GASK1A: variants seen among roughly 807,000 people sequenced by gnomAD.
GASK1A encodes the protein golgi associated kinase 1A.
In GASK1A, 40 loss-of-function variants were observed where a neutral mutation model predicts 41.2. The observed-to-expected ratio is 0.97, with a 90% CI of 0.75 to 1.27. The LOEUF (loss-of-function observed/expected upper bound fraction) is 1.27. Ranked by LOEUF, GASK1A falls within the 50% of genes most tolerant of loss-of-function variation. The pLI is 0.00. For synonymous variants in GASK1A, 316 were observed against 307.1 expected, an observed-to-expected ratio of 1.03 and a Z score of -0.30; for missense variants, 678 against 745.1, an observed-to-expected ratio of 0.91 and a Z score of 1.05.
chr3:43,032,777 A>G lies in GASK1A; in HGVS notation c.514A>G (p.Ser172Gly). ...ETQSEVVTLV[S>G]PLPGSDMAAL... ...ACAGAGTGAGGTGGTCACCCTGGTC[A>G]GTCCACTCCCAGGGAGTGACATGGC... The change falls in exon 2 of 5, where the codon AGT becomes GGT. Residue 172 changes from serine to glycine, a missense_variant. Physicochemically the swap from Ser to Gly is moderately conservative, Grantham distance 56. Transcript: ENST00000430121. 6.4e-7 allele frequency: 1 copy of G among 1,551,086 alleles called. No individual in the cohort carries two copies. The highest frequency in any genetic ancestry group is 8.7e-7 in the Non-Finnish European group (1 of 1,146,986).
At chr3:43,026,554 C>G (rs1305061431) in intron 1 of GASK1A, among the ~76,000 whole-genome samples, 1 of 151,852 alleles carries the variant, frequency 6.6e-6, no homozygotes, top group Non-Finnish European at 1.5e-5. Flanking sequence ...TACCACAAAG[C>G]AGAAATGCAA....
chr3:43,054,876 G>A (rs1338187530), intron 3 of GASK1A, among the ~76,000 whole-genome samples: 2 of 152,232 alleles, frequency 1.3e-5, no homozygotes, highest in Non-Finnish European at 2.9e-5. Flanking sequence ...TGCTCAGGGG[G>A]ATGCCCAGGT....
intron 1 of GASK1A, among the ~76,000 whole-genome samples, chr3:42,981,527 A>G (rs1186568443): frequency 2.6e-5 from 4 of 152,326 alleles, no homozygotes; most frequent in Non-Finnish European, 5.9e-5. Flanking sequence ...TGTGCTTAGC[A>G]TGAACAACTA....
intron 1 of GASK1A, among the ~76,000 whole-genome samples, chr3:43,015,949 G>A (rs1360647498): frequency 7.0e-6 from 1 of 143,166 alleles, no homozygotes; most frequent in East Asian, 1.9e-4. Context: ...GCCACAGGAA[G>A]GGTCTGTGTG....
At chr3:43,039,903 T>A (rs968933562) in intron 2 of GASK1A, among the ~76,000 whole-genome samples, 19 of 152,224 alleles carry the variant, frequency 1.2e-4, no homozygotes, top group Admixed American at 7.9e-4. Context: ...TTTTAAGAGC[T>A]TTTTACAGAT....
chr3:42,982,419 T>C (rs1440526062), intron 1 of GASK1A, among the ~76,000 whole-genome samples: 1 of 152,252 alleles, frequency 6.6e-6, no homozygotes, highest in African/African-American at 2.4e-5. Context: ...GCATATTTCC[T>C]ATTCTCTTTG....
chr3:43,018,409 GC>G (rs1054855797), intron 1 of GASK1A, among the ~76,000 whole-genome samples: 18 of 152,240 alleles, frequency 1.2e-4, no homozygotes, highest in South Asian at 1.0e-3. Context: ...CAATTTCCTG[GC>G]TGATAGTCTG....
chr3:43,002,838 G>T (rs1208137437), intron 1 of GASK1A, among the ~76,000 whole-genome samples: 2 of 151,940 alleles, frequency 1.3e-5, no homozygotes, highest in Non-Finnish European at 2.9e-5. Flanking sequence ...CTATTGGTTG[G>T]CTCTGAGTGA....
intron 1 of GASK1A, among the ~76,000 whole-genome samples, chr3:43,005,505 G>T (rs1456925008): frequency 1.3e-5 from 2 of 152,156 alleles, no homozygotes; most frequent in Non-Finnish European, 2.9e-5. Context: ...CTGCCCATTA[G>T]TAACTTAGTA....
intron 1 of GASK1A, among the ~76,000 whole-genome samples, chr3:43,021,304 G>A (rs2089521340): frequency 6.6e-6 from 1 of 152,012 alleles, no homozygotes. Context: ...ATTTTAAAAG[G>A]CCAATAAATT....
At chr3:43,028,126 G>T (rs2089554435) in intron 1 of GASK1A, among the ~76,000 whole-genome samples, 1 of 152,238 alleles carries the variant, frequency 6.6e-6, no homozygotes, top group African/African-American at 2.4e-5. Flanking sequence ...ATAAGGGCTT[G>T]TGGAGACCAA....
At chr3:43,015,837 G>A (rs1306719401) in intron 1 of GASK1A, among the ~76,000 whole-genome samples, 1 of 151,930 alleles carries the variant, frequency 6.6e-6, no homozygotes, top group Non-Finnish European at 1.5e-5. Context: ...ACAGGAAGAG[G>A]CTGTGTGATG....
chr3:42,998,757 G>A (rs969582675), intron 1 of GASK1A, among the ~76,000 whole-genome samples: 7 of 152,092 alleles, frequency 4.6e-5, no homozygotes, highest in African/African-American at 1.7e-4. Flanking sequence ...GTGACCTTAG[G>A]TGCTAACCTG....
intron 2 of GASK1A, among the ~76,000 whole-genome samples, chr3:43,034,030 T>A (rs1002606525): frequency 1.3e-5 from 2 of 152,198 alleles, no homozygotes; most frequent in African/African-American, 4.8e-5. Context: ...TGAATATCTG[T>A]TTACACCATG....
At chr3:43,012,174 A>G (rs2089466749) in intron 1 of GASK1A, among the ~76,000 whole-genome samples, 1 of 145,834 alleles carries the variant, frequency 6.9e-6, no homozygotes, top group South Asian at 2.2e-4. Context: ...GAAGGGGCAG[A>G]GGGAAGTCAC....
chr3:42,990,720 A>G (rs1437297672), intron 1 of GASK1A, among the ~76,000 whole-genome samples: 1 of 152,072 alleles, frequency 6.6e-6, no homozygotes, highest in Non-Finnish European at 1.5e-5. Context: ...CCCACGTGTG[A>G]TGTTCTGAGT....
At chr3:43,005,576 AT>A (rs1286854897) in intron 1 of GASK1A, among the ~76,000 whole-genome samples, 7 of 152,108 alleles carry the variant, frequency 4.6e-5, no homozygotes, top group Admixed American at 4.6e-4. Context: ...AGTAAACCTT[AT>A]TTTACTTCAT....
intron 1 of GASK1A, among the ~76,000 whole-genome samples, chr3:42,993,894 A>G (rs2089355188): frequency 6.6e-6 from 1 of 152,246 alleles, no homozygotes; most frequent in Non-Finnish European, 1.5e-5. Flanking sequence ...AAAGCATTGG[A>G]CTTTGTAGCT....
intron 1 of GASK1A, among the ~76,000 whole-genome samples, chr3:42,998,865 G>T (rs1424755660): frequency 6.6e-6 from 1 of 152,178 alleles, no homozygotes; most frequent in Non-Finnish European, 1.5e-5. Flanking sequence ...GATTTGGGTG[G>T]AGGGACCCTC....
Sources: gnomAD v4.1 joint callset for allele counts (sites outside exome capture counted in the v4.1 genomes callset) on GRCh38, gnomAD v4.1.1 for gene constraint, MANE v1.5 for transcripts, NCBI Gene and HGNC (gene_info 2026-07-23, HGNC 2026-07-21) for gene names.